Variants in TBC1D5 observed in about 807,000 individuals in gnomAD.
The protein encoded by TBC1D5 is TBC1 domain family member 5, also known as TBC1 domain family, member 5.
TBC1D5 carries 75 observed loss-of-function variants against 100.3 expected under a neutral mutation model. The observed-to-expected ratio is 0.75, with a 90% CI of 0.62 to 0.91. TBC1D5 has a LOEUF of 0.91. TBC1D5 is among the 40% of genes least tolerant of loss of function. The pLI, the probability that TBC1D5 is intolerant of heterozygous loss-of-function variation, is 0.00. For synonymous variants in TBC1D5, 323 were observed against 325.6 expected (o/e 0.99, Z 0.09); for missense variants, 910 against 942.4 (o/e 0.97, Z 0.45).
intron 3 of TBC1D5, among the ~76,000 whole-genome samples, chr3:17,444,329 G>A (rs968569385): frequency 6.6e-6 from 1 of 151,912 alleles, no homozygotes; most frequent in African/African-American, 2.4e-5. Context: ...CTTTTCCTTT[G>A]ACTATTTTCT....
intron 1 of TBC1D5, among the ~76,000 whole-genome samples, chr3:17,654,046 T>A (rs1226817385): frequency 6.6e-6 from 1 of 152,178 alleles, no homozygotes; most frequent in Non-Finnish European, 1.5e-5. Context: ...GTCAGCTTAA[T>A]TAAATTTTAA....
chr3:17,491,369 G>A (rs753133309), intron 3 of TBC1D5, among the ~76,000 whole-genome samples: 6 of 152,170 alleles, frequency 3.9e-5, no homozygotes, highest in African/African-American at 4.8e-5. Flanking sequence ...TGGTGAGAGA[G>A]GGTGTTCTTA....
intron 19 of TBC1D5, 120 bp from the exon 21 acceptor site, chr3:17,167,948 A>C (rs904688740): frequency 1.3e-5 from 9 of 694,434 alleles, no homozygotes; most frequent in Admixed American, 5.6e-5. Flanking sequence ...AACTACTCCC[A>C]CAAAAGATGC....
chr3:17,652,867 C>G (rs1560381664), intron 1 of TBC1D5, among the ~76,000 whole-genome samples: 2 of 152,166 alleles, frequency 1.3e-5, no homozygotes, highest in South Asian at 4.1e-4. Flanking sequence ...TACATGTTCA[C>G]TGCAGCACTA....
At chr3:17,689,497 C>G (rs1441531345) in intron 1 of TBC1D5, among the ~76,000 whole-genome samples, 1 of 134,412 alleles carries the variant, frequency 7.4e-6, no homozygotes, top group Non-Finnish European at 1.5e-5. Context: ...CCTGCCTGGG[C>G]GACAGAGTGA....
In TBC1D5 at chr3:17,429,612, A is replaced by C. The variant is rs575291950; in HGVS notation, c.98-1093T>G. On this transcript the variant is annotated intron_variant, in intron 3 of 21. Coordinates refer to ENST00000253692, the Ensembl canonical transcript of TBC1D5. ...CACAGTGGTCGTGGATAAGTCAAAC[A>C]GTAATTACAGAGCTTTCACTTTAAA... 5.9e-5 allele frequency among the ~76,000 whole-genome samples: 9 copies of C among 152,106 alleles called. No homozygotes were observed. The East Asian group carries it at 1.7e-3, about 29-fold the overall frequency.
At chr3:17,593,146 G>A (rs1246505574) in intron 2 of TBC1D5, among the ~76,000 whole-genome samples, 2 of 152,228 alleles carry the variant, frequency 1.3e-5, no homozygotes, top group East Asian at 1.9e-4. Flanking sequence ...AGTTTGCACC[G>A]ATGACCTCAT....
At chr3:17,205,979 C>T (rs555113228) in intron 18 of TBC1D5, among the ~76,000 whole-genome samples, 1 of 152,128 alleles carries the variant, frequency 6.6e-6, no homozygotes, top group African/African-American at 2.4e-5. Flanking sequence ...TGATATAATA[C>T]TTTCTCTTAT....
At chr3:17,252,119 G>A (rs2077230923) in intron 16 of TBC1D5, among the ~76,000 whole-genome samples, 2 of 152,006 alleles carry the variant, frequency 1.3e-5, no homozygotes, top group South Asian at 4.2e-4. Context: ...CCTGTGAAGA[G>A]GTGATAAAAT....
intron 3 of TBC1D5, among the ~76,000 whole-genome samples, chr3:17,446,039 TC>T (rs2094785602): frequency 6.6e-6 from 1 of 152,198 alleles, no homozygotes; most frequent in Non-Finnish European, 1.5e-5. Flanking sequence ...TGGGTCTTAG[TC>T]ATTGCTTAAA....
intron 2 of TBC1D5, among the ~76,000 whole-genome samples, chr3:17,537,315 T>G (rs987962845): frequency 1.3e-5 from 2 of 152,184 alleles, no homozygotes; most frequent in African/African-American, 4.8e-5. Context: ...CAGGTCTTGC[T>G]TATAATTTGT....
At chr3:17,682,570 C>A (rs1025525270) in intron 1 of TBC1D5, among the ~76,000 whole-genome samples, 4 of 151,536 alleles carry the variant, frequency 2.6e-5, no homozygotes, top group Admixed American at 6.6e-5. Context: ...TCCTGTTAAA[C>A]ATACACTTTA....
At chr3:17,491,779 G>C (rs1234677258) in intron 3 of TBC1D5, among the ~76,000 whole-genome samples, 1 of 152,068 alleles carries the variant, frequency 6.6e-6, no homozygotes, top group African/African-American at 2.4e-5. Flanking sequence ...TTGTATCTCT[G>C]CCAGGTTTCG....
At chr3:17,208,248 A>G (rs1158459317) in intron 18 of TBC1D5, among the ~76,000 whole-genome samples, 2 of 152,224 alleles carry the variant, frequency 1.3e-5, no homozygotes, top group Non-Finnish European at 2.9e-5. Flanking sequence ...GAAGCTTAGA[A>G]GCTTAGATCA....
At chr3:17,644,054 T>C (rs548660218) in intron 1 of TBC1D5, 11 of 152,142 alleles carry the variant, frequency 7.2e-5, no homozygotes, top group African/African-American at 1.9e-4. Context: ...TAAGGAGATA[T>C]CTCTCAGAAT....
At chr3:17,581,264 T>G (rs147730684) in intron 2 of TBC1D5, among the ~76,000 whole-genome samples, 142 of 152,336 alleles carry the variant, frequency 9.3e-4, no homozygotes, top group African/African-American at 3.3e-3. Flanking sequence ...CCACTTTTTC[T>G]TTATAAATTA....
chr3:17,548,111 G>A lies in TBC1D5; in HGVS notation c.-35-39506C>T, dbSNP rs115930792. On this transcript the variant is annotated intron_variant, in intron 2 of 21. Transcript: ENST00000253692. ...GGGTGGATCACAAGGTCAGGAGATC[G>A]AGACCATCCAAGGCTAACATGGTGA... Among the ~76,000 whole-genome samples, 1,458 of 152,096 alleles carry A rather than the reference G, an allele frequency of 9.6e-3. 19 individuals are homozygous for A. Among genetic ancestry groups the A allele is most frequent in the African/African-American group, 0.03 (1,228 of 41,470 alleles).
At chr3:17,253,363 G>A (rs1023370578) in intron 16 of TBC1D5, among the ~76,000 whole-genome samples, 26 of 152,160 alleles carry the variant, frequency 1.7e-4, no homozygotes, top group Non-Finnish European at 2.9e-5. Context: ...CTAAGCATTT[G>A]TGGTACAACT....
At chr3:17,161,195 G>T in exon 22 of TBC1D5, 2 of 1,614,196 alleles carry the variant, frequency 1.2e-6, no homozygotes, top group Non-Finnish European at 1.7e-6. Context: ...ATCATCTTTG[G>T]AAATCAGGAT....
Sources: gnomAD v4.1 joint callset for allele counts (sites outside exome capture counted in the v4.1 genomes callset) on GRCh38, gnomAD v4.1.1 for gene constraint, MANE v1.5 for transcripts, NCBI Gene and HGNC (gene_info 2026-07-23, HGNC 2026-07-21) for gene names.